CNTNAP2: variants seen among roughly 807,000 people sequenced by gnomAD.
CNTNAP2 encodes the protein contactin-associated protein-like 2.
In CNTNAP2, 98 loss-of-function variants were observed where a neutral mutation model predicts 155.2. The observed-to-expected ratio is 0.63, with a 90% CI of 0.54 to 0.75. CNTNAP2 has a LOEUF of 0.75. Ranked by LOEUF, CNTNAP2 falls within the 30% of genes least tolerant of loss-of-function variation. The pLI, the probability that CNTNAP2 is intolerant of heterozygous loss-of-function variation, is 0.00. For missense variants in CNTNAP2, 1,727 were observed against 1,688.1 expected (o/e 1.02, Z -0.40); for synonymous variants, 651 against 631.2 (o/e 1.03, Z -0.47).
At chr7:147,082,870 T>A (rs1486507503) in intron 4 of CNTNAP2, 5 of 152,134 alleles carry the variant, frequency 3.3e-5, no homozygotes, top group Non-Finnish European at 7.3e-5. Flanking sequence ...CATCACTGCG[T>A]GTCCTGAGCC....
intron 1 of CNTNAP2, among the ~76,000 whole-genome samples, chr7:146,312,688 C>A (rs994121414): frequency 5.9e-5 from 9 of 152,234 alleles, no homozygotes; most frequent in Admixed American, 2.6e-4. Flanking sequence ...CTAACTAATT[C>A]TTTGTACCTC....
chr7:146,978,790 C>T (rs1251897502), intron 3 of CNTNAP2, among the ~76,000 whole-genome samples: 3 of 151,836 alleles, frequency 2.0e-5, no homozygotes, highest in Non-Finnish European at 1.5e-5. Context: ...ATGTTAATCT[C>T]TGAAGATCCC....
chr7:148,210,233 C>T (rs1434568412), intron 18 of CNTNAP2, among the ~76,000 whole-genome samples: 1 of 152,184 alleles, frequency 6.6e-6, no homozygotes, highest in Non-Finnish European at 1.5e-5. Flanking sequence ...CTGCAATCCA[C>T]GACTTTTGAT....
chr7:146,671,143 A>C (rs1432962230), intron 1 of CNTNAP2, among the ~76,000 whole-genome samples: 1 of 151,694 alleles, frequency 6.6e-6, no homozygotes, highest in African/African-American at 2.4e-5. Context: ...TTTTCTTCTT[A>C]AACTGTAAAA....
At chr7:147,070,707 G>A (rs1443854838) in intron 4 of CNTNAP2, among the ~76,000 whole-genome samples, 1 of 152,126 alleles carries the variant, frequency 6.6e-6, no homozygotes, top group African/African-American at 2.4e-5. Context: ...GCTGATTAAG[G>A]CCCCATGTTT....
chr7:147,376,932 G>A (rs1283211585), intron 9 of CNTNAP2, among the ~76,000 whole-genome samples: 2 of 151,738 alleles, frequency 1.3e-5, no homozygotes. Context: ...TCTTAAAAAA[G>A]TTGTATTTGC....
intron 21 of CNTNAP2, among the ~76,000 whole-genome samples, chr7:148,355,322 T>A (rs1383460875): frequency 6.6e-6 from 1 of 151,724 alleles, no homozygotes; most frequent in East Asian, 1.9e-4. Flanking sequence ...AGCCCCCAGC[T>A]GCTCTTTGTG....
At chr7:148,314,340 G>A (rs962345807) in intron 21 of CNTNAP2, among the ~76,000 whole-genome samples, 1 of 152,160 alleles carries the variant, frequency 6.6e-6, no homozygotes, top group Non-Finnish European at 1.5e-5. Context: ...GAATTATTTA[G>A]ATCTTGTAGG....
intron 8 of CNTNAP2, among the ~76,000 whole-genome samples, chr7:147,289,554 T>C (rs904265325): frequency 6.6e-6 from 1 of 152,204 alleles, no homozygotes; most frequent in African/African-American, 2.4e-5. Context: ...AAATGGCTCC[T>C]TGTATAAACA....
At chr7:147,292,824 C>T (rs1805344095) in intron 8 of CNTNAP2, among the ~76,000 whole-genome samples, 1 of 152,156 alleles carries the variant, frequency 6.6e-6, no homozygotes, top group African/African-American at 2.4e-5. Flanking sequence ...GGCTGGAGTG[C>T]AATACCACAA....
At chr7:146,156,790 C>A (rs546571614) in intron 1 of CNTNAP2, among the ~76,000 whole-genome samples, 2 of 152,156 alleles carry the variant, frequency 1.3e-5, no homozygotes, top group East Asian at 3.9e-4. Flanking sequence ...TTAGTAAAAA[C>A]AGGTTTCACC....
At chr7:147,308,101 C>T (rs1795064028) in intron 9 of CNTNAP2, among the ~76,000 whole-genome samples, 1 of 152,120 alleles carries the variant, frequency 6.6e-6, no homozygotes, top group Non-Finnish European at 1.5e-5. Context: ...AAGAAGATAG[C>T]ATTTGAGCAA....
intron 15 of CNTNAP2, among the ~76,000 whole-genome samples, chr7:148,117,824 TA>T (rs1488720612): frequency 6.7e-6 from 1 of 150,330 alleles, no homozygotes; most frequent in Non-Finnish European, 1.5e-5. Context: ...TATTATAAAA[TA>T]TTTTATTGTA....
chr7:146,991,323 T>C (rs1055307748), intron 3 of CNTNAP2, among the ~76,000 whole-genome samples: 2 of 152,088 alleles, frequency 1.3e-5, no homozygotes, highest in African/African-American at 4.8e-5. Flanking sequence ...GAGAATTTAA[T>C]TCAAATGTAA....
chr7:146,267,751 G>T (rs1279255902), intron 1 of CNTNAP2, among the ~76,000 whole-genome samples: 1 of 152,174 alleles, frequency 6.6e-6, no homozygotes, highest in Non-Finnish European at 1.5e-5. Context: ...CCCGTGGTTT[G>T]CAAGGCACTG....
intron 1 of CNTNAP2, among the ~76,000 whole-genome samples, chr7:146,616,049 C>A (rs904111452): frequency 9.9e-5 from 15 of 152,100 alleles, no homozygotes; most frequent in African/African-American, 3.6e-4. Flanking sequence ...TAAACTTTCA[C>A]AAAACACCAC....
intron 3 of CNTNAP2, among the ~76,000 whole-genome samples, chr7:146,908,022 T>G (rs1374993284): frequency 6.6e-6 from 1 of 151,974 alleles, no homozygotes; most frequent in South Asian, 2.1e-4. Context: ...TAAAACAGAC[T>G]TTAAACCAAC....
At chr7:148,053,891 C>T (rs533416497) in intron 15 of CNTNAP2, among the ~76,000 whole-genome samples, 1 of 151,474 alleles carries the variant, frequency 6.6e-6, no homozygotes, top group Admixed American at 6.6e-5. Context: ...TGTGATGTAT[C>T]GTTGCAGCAG....
intron 17 of CNTNAP2, among the ~76,000 whole-genome samples, chr7:148,163,711 G>C (rs1001278782): frequency 6.6e-6 from 1 of 152,204 alleles, no homozygotes; most frequent in Non-Finnish European, 1.5e-5. Flanking sequence ...AGTTCTCTCA[G>C]TATGTGAAAG....
Sources: gnomAD v4.1 joint callset for allele counts (sites outside exome capture counted in the v4.1 genomes callset) on GRCh38, gnomAD v4.1.1 for gene constraint, MANE v1.5 for transcripts, NCBI Gene and HGNC (gene_info 2026-07-23, HGNC 2026-07-21) for gene names.